KATNIP: variants seen among roughly 807,000 people sequenced by gnomAD.
KATNIP encodes the protein katanin-interacting protein.
A neutral mutation model predicts 174.0 loss-of-function variants in KATNIP; 126 were observed. The observed-to-expected ratio is 0.72, with a 90% CI of 0.63 to 0.84. The LOEUF is 0.84. Ranked by LOEUF, KATNIP falls within the 40% of genes least tolerant of loss-of-function variation. The pLI is 0.00. For missense variants in KATNIP, 1,958 were observed against 2,109.7 expected, an observed-to-expected ratio of 0.93 and a Z score of 1.41; for synonymous variants, 810 against 835.7, an observed-to-expected ratio of 0.97 and a Z score of 0.53.
At chr16:27,570,741 T>A (rs1352549032) in intron 1 of KATNIP, among the ~76,000 whole-genome samples, 1 of 152,112 alleles carries the variant, frequency 6.6e-6, no homozygotes, top group Non-Finnish European at 1.5e-5. Flanking sequence ...CTCGCCACCG[T>A]GAAGTCATCT....
intron 6 of KATNIP, among the ~76,000 whole-genome samples, chr16:27,654,120 C>T (rs1567258161): frequency 1.3e-5 from 2 of 152,142 alleles, no homozygotes; most frequent in Non-Finnish European, 1.5e-5. Context: ...GGACTACAGG[C>T]ACGTGCCAAC....
rs564443672 is a variant in KATNIP at position 27,762,919 on chromosome 16, T to C, written c.3809+1329T>C. 1.1e-3 allele frequency among the ~76,000 whole-genome samples: 167 copies of C among 152,332 alleles called. 2 individuals carry two copies. Among genetic ancestry groups the C allele is most frequent in the African/African-American group, 3.9e-3 (162 of 41,580 alleles). ...ACCACCCACCTGCCAGATTATCTGTTGGCAAATCCCAGGCCTGATAGCATT... is the reference window on the plus strand; with the variant it reads ...ACCACCCACCTGCCAGATTATCTGTCGGCAAATCCCAGGCCTGATAGCATT... On this transcript the variant is annotated intron_variant, in intron 19 of 27. Coordinates refer to ENST00000261588, the MANE Select transcript of KATNIP (RefSeq NM_015202.5).
At chr16:27,557,217 C>T (rs2089666029) in intron 1 of KATNIP, among the ~76,000 whole-genome samples, 1 of 150,234 alleles carries the variant, frequency 6.7e-6, no homozygotes, top group Admixed American at 6.7e-5. Context: ...TCTTGGCTTA[C>T]TGCATCCTCC....
intron 18 of KATNIP, 73 bp from the exon 19 acceptor site, chr16:27,761,340 T>C: frequency 2.1e-6 from 3 of 1,443,118 alleles, no homozygotes; most frequent in Non-Finnish European, 2.8e-6. Flanking sequence ...ATAGCATTCC[T>C]CTTCCTGTCT....
chr16:27,715,182 C>A (rs563990360), intron 13 of KATNIP, among the ~76,000 whole-genome samples: 2 of 152,300 alleles, frequency 1.3e-5, no homozygotes, highest in African/African-American at 4.8e-5. Flanking sequence ...CACAACTGTT[C>A]AATGGGAGAA....
In KATNIP at chr16:27,749,795, G is replaced by A. The variant is rs764005020; in HGVS notation, c.2835G>A (p.Glu945=). ...HSDLPPSKKG[E]QPGLSRGQDG... ...ACTTGCCCCCCTCCAAGAAGGGGGA[G>A]CAGCCAGGGCTGTCGAGAGGGCAGG... Residue 945 remains glutamate, a synonymous_variant, in exon 16 of 28, where the codon GAG becomes GAA. Transcript: ENST00000261588. The A allele has an allele frequency of 4.0e-5, 65 of 1,610,208 alleles. No individual in the cohort carries two copies. The highest frequency in any genetic ancestry group is 5.1e-5 in the Non-Finnish European group (60 of 1,177,784).
chr16:27,646,481 G>A (rs1407476168), intron 5 of KATNIP, among the ~76,000 whole-genome samples: 1 of 152,194 alleles, frequency 6.6e-6, no homozygotes, highest in Non-Finnish European at 1.5e-5. Flanking sequence ...CCCACCATGG[G>A]GCCACATGTG....
chr16:27,601,955 G>A (rs939406439), intron 2 of KATNIP, among the ~76,000 whole-genome samples: 6 of 152,196 alleles, frequency 3.9e-5, no homozygotes, highest in Non-Finnish European at 2.9e-5. Context: ...GGTGGATGGA[G>A]GCAAAGATTG....
intron 8 of KATNIP, among the ~76,000 whole-genome samples, chr16:27,691,519 C>A (rs372992426): frequency 6.6e-6 from 1 of 152,076 alleles, no homozygotes; most frequent in Non-Finnish European, 1.5e-5. Flanking sequence ...CCCAAGTGAG[C>A]GATGAGAGCA....
At chr16:27,756,810 A>C (rs1175729900) in intron 18 of KATNIP, among the ~76,000 whole-genome samples, 1 of 152,198 alleles carries the variant, frequency 6.6e-6, no homozygotes, top group Admixed American at 6.5e-5. Context: ...GTTTCCACAC[A>C]GCTGCGTTCA....
intron 1 of KATNIP, among the ~76,000 whole-genome samples, chr16:27,557,531 G>A (rs766985657): frequency 6.0e-5 from 9 of 150,874 alleles, no homozygotes; most frequent in Non-Finnish European, 1.0e-4. Context: ...TGGCTCAAGC[G>A]ATCGTCCCAT....
At chr16:27,620,944 G>A (rs993956747) in intron 3 of KATNIP, among the ~76,000 whole-genome samples, 4 of 152,206 alleles carry the variant, frequency 2.6e-5, no homozygotes, top group Non-Finnish European at 5.9e-5. Context: ...GGCTGTAAGA[G>A]ACAGAAACTC....
chr16:27,588,693 C>T (rs554471937), intron 2 of KATNIP, among the ~76,000 whole-genome samples: 53 of 152,030 alleles, frequency 3.5e-4, no homozygotes, highest in South Asian at 2.9e-3. Context: ...CAATTCTTCT[C>T]GGAAAAATTA....
intron 2 of KATNIP, among the ~76,000 whole-genome samples, chr16:27,582,425 T>C (rs1342429901): frequency 1.3e-5 from 2 of 152,192 alleles, no homozygotes; most frequent in African/African-American, 4.8e-5. Flanking sequence ...CAAAATCTAT[T>C]TTAGATTCAA....
chr16:27,710,308 GA>G (rs1362569175), intron 13 of KATNIP, among the ~76,000 whole-genome samples: 1 of 152,176 alleles, frequency 6.6e-6, no homozygotes, highest in Admixed American at 6.5e-5. Context: ...AGTGAGCCAA[GA>G]TCGTGCCACT....
chr16:27,779,341 C>G lies in KATNIP; in HGVS notation c.*712C>G, dbSNP rs954130123. On this transcript the variant is annotated 3_prime_UTR_variant, in exon 28 of 28. Transcript: ENST00000261588. ...CATCCACCTTGGCAAGAGCTGGGCC[C>G]ACTCTGGCAGGCCAGGGTATCATCT... The G allele has an allele frequency of 6.6e-5, 10 of 152,502 alleles. No homozygotes were observed. Among genetic ancestry groups the G allele is most frequent in the African/African-American group, 2.4e-4 (10 of 41,466 alleles). 9.4% of individuals were successfully genotyped at this position (152,502 alleles called of 1,614,324 possible). A position where few individuals can be genotyped will look rare whatever the true frequency, so the allele number is the denominator to read the frequency against.
At chr16:27,583,317 G>T (rs2141803229) in intron 2 of KATNIP, among the ~76,000 whole-genome samples, 1 of 152,262 alleles carries the variant, frequency 6.6e-6, no homozygotes, top group East Asian at 1.9e-4. Context: ...CTTCAACAGA[G>T]CACCATCAAA....
At chr16:27,663,985 A>AT (rs1046949930) in intron 6 of KATNIP, among the ~76,000 whole-genome samples, 1 of 151,142 alleles carries the variant, frequency 6.6e-6, no homozygotes, top group Non-Finnish European at 1.5e-5. Context: ...TAATCTTTTA[A>AT]TTTTTTCTTA....
rs764206493 is a variant in KATNIP, at chr16:27,778,655, T to C, written c.*26T>C. 1.3e-5 allele frequency: 21 copies of C among 1,610,376 alleles called. No individual in the cohort carries two copies. Among genetic ancestry groups the C allele is most frequent in the Non-Finnish European group, 1.7e-5 (20 of 1,177,654 alleles). ...CTGGTGAAGGAGGGAGAGCTGGTCC[T>C]CCCACTATGGTGGGCTCCGTCAGCA... On this transcript the variant is annotated 3_prime_UTR_variant, in exon 28 of 28. Coordinates refer to ENST00000261588, the MANE Select transcript of KATNIP (RefSeq NM_015202.5).
Sources: gnomAD v4.1 joint callset for allele counts (sites outside exome capture counted in the v4.1 genomes callset) on GRCh38, gnomAD v4.1.1 for gene constraint, MANE v1.5 for transcripts, NCBI Gene and HGNC (gene_info 2026-07-23, HGNC 2026-07-21) for gene names.